The following SORCS2 variants were observed in gnomAD, a reference collection of about 807,000 sequenced individuals.
SORCS2 encodes VPS10 domain-containing receptor SorCS2.
A neutral mutation model predicts 141.6 loss-of-function variants in SORCS2; 100 were observed. That is an observed-to-expected ratio of 0.71 (90% CI 0.60 to 0.83). The LOEUF is 0.83. Among genes scored for constraint, SORCS2 ranks in the 40% least tolerant of loss-of-function variants. The probability of loss-of-function intolerance (pLI) is 0.00; values close to 1 mark genes in which losing one functional copy is unlikely to be tolerated. For synonymous variants in SORCS2, 789 were observed against 676.9 expected (o/e 1.17, Z -2.57); for missense variants, 1,646 against 1,560.2 (o/e 1.05, Z -0.93).
chr4:7,382,174 A>C (rs553214115), intron 1 of SORCS2, among the ~76,000 whole-genome samples: 5 of 152,264 alleles, frequency 3.3e-5, no homozygotes, highest in Admixed American at 1.3e-4. Context: ...CCCTCAGAGC[A>C]GGGCAAAGCT....
At chr4:7,556,790 A>G (rs1714150257) in intron 3 of SORCS2, among the ~76,000 whole-genome samples, 1 of 126,972 alleles carries the variant, frequency 7.9e-6, no homozygotes, top group Non-Finnish European at 1.6e-5. Flanking sequence ...CCACCCACAC[A>G]TCCATCCACT....
At chr4:7,503,854 A>G (rs962985409) in intron 2 of SORCS2, among the ~76,000 whole-genome samples, 3 of 152,164 alleles carry the variant, frequency 2.0e-5, no homozygotes, top group Non-Finnish European at 2.9e-5. Context: ...ACCAAGAACC[A>G]CAGGCTAGAT....
intron 1 of SORCS2, among the ~76,000 whole-genome samples, chr4:7,393,300 C>T (rs904119556): frequency 2.0e-5 from 3 of 152,154 alleles, no homozygotes; most frequent in South Asian, 2.1e-4. Flanking sequence ...CTCACATTCC[C>T]GATTTTTCTC....
At chr4:7,682,673 G>A in intron 9 of SORCS2, 70 bp from the exon 10 acceptor site, 1 of 1,479,186 alleles carries the variant, frequency 6.8e-7, no homozygotes, top group African/African-American at 1.4e-5. Context: ...AGGGGCTGGA[G>A]CATGGTGGAT....
chr4:7,202,684 T>C (rs374370415), intron 1 of SORCS2, among the ~76,000 whole-genome samples: 7 of 152,274 alleles, frequency 4.6e-5, no homozygotes, highest in African/African-American at 1.4e-4. Context: ...GTGTGGCCGC[T>C]TCCATTCAGA....
chr4:7,393,543 C>T (rs1424676831), intron 1 of SORCS2, among the ~76,000 whole-genome samples: 1 of 152,146 alleles, frequency 6.6e-6, no homozygotes, highest in Non-Finnish European at 1.5e-5. Context: ...CTAGCTCTGC[C>T]GCTTGCTGAG....
At chr4:7,678,540 G>A (rs1255574842) in intron 9 of SORCS2, among the ~76,000 whole-genome samples, 2 of 146,978 alleles carry the variant, frequency 1.4e-5, no homozygotes, top group African/African-American at 5.1e-5. Context: ...CAGCACAGGG[G>A]CGGTTGGCCG....
chr4:7,203,621 A>T (rs932588770), intron 1 of SORCS2, among the ~76,000 whole-genome samples: 2 of 152,190 alleles, frequency 1.3e-5, no homozygotes, highest in Admixed American at 6.5e-5. Context: ...CTAAAAAAAA[A>T]TTCTTTTTTC....
intron 1 of SORCS2, among the ~76,000 whole-genome samples, chr4:7,313,692 T>G (rs1329070896): frequency 6.6e-6 from 1 of 152,212 alleles, no homozygotes; most frequent in Non-Finnish European, 1.5e-5. Context: ...CCGGCTTCAC[T>G]GCCTCTCGCC....
intron 2 of SORCS2, among the ~76,000 whole-genome samples, chr4:7,511,163 A>G (rs796855217): frequency 6.6e-6 from 1 of 152,114 alleles, no homozygotes; most frequent in Non-Finnish European, 1.5e-5. Context: ...GACAGACTAC[A>G]TCCACGCAGA....
At chr4:7,719,791 T>C (rs1013252093) in intron 18 of SORCS2, among the ~76,000 whole-genome samples, 2 of 152,146 alleles carry the variant, frequency 1.3e-5, no homozygotes, top group African/African-American at 4.8e-5. Context: ...CAGTCGCATC[T>C]GCGGAGTGTC....
intron 3 of SORCS2, among the ~76,000 whole-genome samples, chr4:7,602,578 G>T (rs902962270): frequency 6.7e-6 from 1 of 148,468 alleles, no homozygotes; most frequent in Non-Finnish European, 1.5e-5. Context: ...GGGAAGAGGC[G>T]CTCCTCACTT....
chr4:7,332,209 G>A (rs767664976), intron 1 of SORCS2, among the ~76,000 whole-genome samples: 1 of 152,210 alleles, frequency 6.6e-6, no homozygotes, highest in African/African-American at 2.4e-5. Context: ...CCTGATGTGG[G>A]GGGCTCTCAG....
chr4:7,429,259 C>T (rs190850105), intron 2 of SORCS2, among the ~76,000 whole-genome samples: 30 of 152,270 alleles, frequency 2.0e-4, no homozygotes, highest in African/African-American at 6.5e-4. Context: ...CCTGGTGCTG[C>T]TCTATTCCAC....
At chr4:7,602,894 C>T (rs922303323) in intron 3 of SORCS2, among the ~76,000 whole-genome samples, 8 of 152,240 alleles carry the variant, frequency 5.3e-5, no homozygotes, top group Non-Finnish European at 1.0e-4. Flanking sequence ...AGCGAGACTC[C>T]GTCTGCAATC....
rs536015761 is a variant in SORCS2, at chr4:7,406,623, T to C, written c.548+10268T>C. Among the ~76,000 whole-genome samples, 8 of 152,094 alleles carry C rather than the reference T, an allele frequency of 5.3e-5. No individual in the cohort carries two copies. The South Asian group carries it at 1.7e-3, about 32-fold the overall frequency. ...GATTTTATTTATTTTGAGTTTTCTCTCTTCTTTTCTAGTCGGTCTACTTTG... is the reference window on the plus strand; with the variant it reads ...GATTTTATTTATTTTGAGTTTTCTCCCTTCTTTTCTAGTCGGTCTACTTTG... On this transcript the variant is annotated intron_variant, in intron 2 of 26. Coordinates refer to ENST00000507866, the MANE Select transcript of SORCS2 (RefSeq NM_020777.3).
At chr4:7,487,148 C>T (rs745974358) in intron 2 of SORCS2, among the ~76,000 whole-genome samples, 3 of 152,324 alleles carry the variant, frequency 2.0e-5, no homozygotes, top group African/African-American at 4.8e-5. Flanking sequence ...CCTCCATGTG[C>T]GTGCTCAGGG....
intron 1 of SORCS2, among the ~76,000 whole-genome samples, chr4:7,282,974 CTCAT>C (rs747220122): frequency 4.5e-4 from 68 of 152,344 alleles, no homozygotes; most frequent in African/African-American, 7.5e-4. Context: ...CATTCATTCA[CTCAT>C]TCATTCATTC....
intron 2 of SORCS2, among the ~76,000 whole-genome samples, chr4:7,495,331 G>A (rs571108899): frequency 1.1e-4 from 16 of 152,338 alleles, no homozygotes; most frequent in Non-Finnish European, 2.1e-4. Context: ...GGTTCAATGC[G>A]CCCAGCGTTG....
Sources: gnomAD v4.1 joint callset for allele counts (sites outside exome capture counted in the v4.1 genomes callset) on GRCh38, gnomAD v4.1.1 for gene constraint, MANE v1.5 for transcripts, NCBI Gene and HGNC (gene_info 2026-07-23, HGNC 2026-07-21) for gene names.